The following MSH3 variants were observed in gnomAD, a reference collection of about 807,000 sequenced individuals.
MSH3 encodes the protein mutS homolog 3.
In MSH3, 106 loss-of-function variants were observed where a neutral mutation model predicts 123.3. The observed-to-expected ratio is 0.86, with a 90% CI of 0.73 to 1.01. The LOEUF (loss-of-function observed/expected upper bound fraction) is 1.01. Ranked by LOEUF, MSH3 falls within the 50% of genes least tolerant of loss-of-function variation. The probability of loss-of-function intolerance (pLI) is 0.00; values close to 1 mark genes in which losing one functional copy is unlikely to be tolerated. For missense variants in MSH3, 1,459 were observed against 1,347.6 expected (o/e 1.08, Z -1.29); for synonymous variants, 515 against 481.4 (o/e 1.07, Z -0.91).
At chr5:80,760,538 C>G (rs1744014188) in intron 12 of MSH3, among the ~76,000 whole-genome samples, 2 of 152,184 alleles carry the variant, frequency 1.3e-5, no homozygotes, top group South Asian at 4.1e-4. Flanking sequence ...TAATTTAATT[C>G]ATTCAAACAG....
chr5:80,835,980 A>G (rs1486336599), intron 20 of MSH3, among the ~76,000 whole-genome samples: 1 of 152,164 alleles, frequency 6.6e-6, no homozygotes, highest in African/African-American at 2.4e-5. Flanking sequence ...ACAACCAGTT[A>G]TATTACTATA....
In MSH3 at chr5:80,825,370, C is replaced by T. The variant is rs569057945; in HGVS notation, c.2813+11629C>T. On this transcript the variant is annotated intron_variant, in intron 20 of 23. Coordinates refer to ENST00000265081, the MANE Select transcript of MSH3 (RefSeq NM_002439.5). ...ACACAGTGTATCACACTATATTCTT[C>T]TGTAAGTGGCTTTTTCCCCCCTCAG... Among the ~76,000 whole-genome samples, 8 of 152,276 alleles carry T rather than the reference C, an allele frequency of 5.3e-5. No homozygotes were observed. In the East Asian group the frequency reaches 1.5e-3, roughly 29 times the overall value.
At chr5:80,780,912 T>G (rs1448284427) in intron 17 of MSH3, among the ~76,000 whole-genome samples, 1 of 152,086 alleles carries the variant, frequency 6.6e-6, no homozygotes, top group African/African-American at 2.4e-5. Context: ...GTGACGTCCT[T>G]CAGGGAGCTT....
intron 2 of MSH3, among the ~76,000 whole-genome samples, chr5:80,664,129 C>T (rs988300984): frequency 1.3e-5 from 2 of 152,024 alleles, no homozygotes; most frequent in African/African-American, 4.8e-5. Context: ...GTGATGAGTG[C>T]CACAGGGAGA....
At position 80,815,754 on chromosome 5, in the gene MSH3, CTG is replaced by C. The variant is rs546429870; in HGVS notation, c.2813+2017_2813+2018del. ...AAAACTTACCTTTCACTGACCAGAA[CTG>C]TGTCTCATGGCCATAGTTGCAAGGA... On this transcript the variant is annotated intron_variant, in intron 20 of 23. Coordinates refer to ENST00000265081, the MANE Select transcript of MSH3 (RefSeq NM_002439.5). Among the ~76,000 whole-genome samples the C allele has an allele frequency of 6.6e-5, 10 of 152,282 alleles. No individual in the cohort carries two copies. The East Asian group carries it at 1.9e-3, about 29-fold the overall frequency.
At chr5:80,857,735 T>C (rs957852572) in intron 21 of MSH3, among the ~76,000 whole-genome samples, 7 of 152,222 alleles carry the variant, frequency 4.6e-5, no homozygotes, top group African/African-American at 1.7e-4. Flanking sequence ...ATCCGTAGTG[T>C]TGTCCTTTTC....
intron 8 of MSH3, among the ~76,000 whole-genome samples, chr5:80,721,155 AT>A (rs1396424688): frequency 3.3e-5 from 5 of 152,204 alleles, no homozygotes; most frequent in African/African-American, 1.2e-4. Context: ...TTCACAAAAT[AT>A]GATTTTTTGA....
intron 12 of MSH3, among the ~76,000 whole-genome samples, chr5:80,753,623 A>G (rs925397695): frequency 6.6e-6 from 1 of 152,228 alleles, no homozygotes; most frequent in African/African-American, 2.4e-5. Flanking sequence ...TAGGGAAGCT[A>G]GCTGTTAACA....
At chr5:80,831,107 C>T (rs894407307) in intron 20 of MSH3, among the ~76,000 whole-genome samples, 6 of 151,966 alleles carry the variant, frequency 3.9e-5, no homozygotes, top group South Asian at 4.1e-4. Flanking sequence ...CCAGTAAGCT[C>T]GTTATAAAAT....
At chr5:80,813,888 C>A (rs547723039) in intron 20 of MSH3, 147 bp downstream of exon 20, 2 of 884,364 alleles carry the variant, frequency 2.3e-6, no homozygotes, top group East Asian at 5.2e-5. Context: ...AGGCCGGGCA[C>A]GGTGGCTCAC....
Position 80,654,977 on chromosome 5 carries a change from T to A in MSH3, c.237+13T>A. 1 of 1,430,290 alleles carries A rather than the reference T, an allele frequency of 7.0e-7. No individual in the cohort carries two copies. Among genetic ancestry groups the A allele is most frequent in the Non-Finnish European group, 9.2e-7 (1 of 1,086,660 alleles). 88.6% of individuals were successfully genotyped at this position (1,430,290 alleles called of 1,614,324 possible). On this transcript the variant is annotated intron_variant, in intron 1 of 23. Coordinates refer to ENST00000265081, the MANE Select transcript of MSH3 (RefSeq NM_002439.5). ...GCCGCCGCACATAGTAGGTTCTGTC[T>A]GGGACTGGGCAGGGCCATCGGGGCT...
At position 80,672,363 on chromosome 5, in the gene MSH3, C is replaced by A. The variant is rs763390172; in HGVS notation, c.909+3C>A. ...GCCTGGTGGCAAAAGGATATAAGGT[C>A]AGCTTTGGCTTTAACTTGTGGGGAA... is the stretch of plus-strand genomic sequence containing the variant. On this transcript the variant is annotated splice_donor_region_variant and intron_variant, in intron 5 of 23. Transcript: ENST00000265081. The A allele has an allele frequency of 6.2e-7, 1 of 1,601,714 alleles. No homozygotes were observed. Among genetic ancestry groups the A allele is most frequent in the East Asian group, 2.2e-5 (1 of 44,804 alleles).
intron 8 of MSH3, among the ~76,000 whole-genome samples, chr5:80,706,804 A>C (rs1750733897): frequency 6.6e-6 from 1 of 152,210 alleles, no homozygotes; most frequent in Non-Finnish European, 1.5e-5. Flanking sequence ...CAGACTTTTT[A>C]ATAGAAAATC....
rs781450054 is a variant in MSH3, at chr5:80,679,090, T to C, written c.1337T>C (p.Val446Ala). 6.2e-7 allele frequency: 1 copy of C among 1,613,918 alleles called. No individual in the cohort carries two copies. Among genetic ancestry groups the C allele is most frequent in the Admixed American group, 1.7e-5 (1 of 60,008 alleles). Residue 446 changes from valine (V) to alanine (A), a missense_variant, in exon 8 of 24, where the codon GTT becomes GCT. Physicochemically the swap from Val to Ala is moderately conservative, Grantham distance 64. Transcript: ENST00000265081. ...GCGCTCATCCACAGAGCCACATCTG[T>C]TAGGTAAGTTGGCACATCACTGGAA... ...TEALIHRATS[V>A]SVQDDRIRVE...
At chr5:80,684,635 G>A (rs919130252) in intron 8 of MSH3, among the ~76,000 whole-genome samples, 1 of 152,108 alleles carries the variant, frequency 6.6e-6, no homozygotes, top group African/African-American at 2.4e-5. Context: ...ATAATTAGAC[G>A]TCCTCCTTTC....
At chr5:80,814,320 A>G (rs1230623217) in intron 20 of MSH3, among the ~76,000 whole-genome samples, 2 of 152,104 alleles carry the variant, frequency 1.3e-5, no homozygotes, top group Non-Finnish European at 2.9e-5. Context: ...TTCCTAGGCC[A>G]GAGTGCAATG....
intron 10 of MSH3, among the ~76,000 whole-genome samples, chr5:80,730,318 G>A (rs571364333): frequency 4.6e-5 from 7 of 152,092 alleles, no homozygotes; most frequent in South Asian, 2.1e-4. Context: ...ATGTGAAATC[G>A]TACTCTGTAC....
intron 8 of MSH3, among the ~76,000 whole-genome samples, chr5:80,692,515 T>G (rs537471737): frequency 6.0e-5 from 7 of 116,716 alleles, no homozygotes; most frequent in Admixed American, 1.8e-4. Context: ...TAAACATGTA[T>G]ATGTTTAGAT....
rs960622792 is a variant in MSH3 at position 80,773,139 on chromosome 5, A to G, written c.2254-2555A>G. On this transcript the variant is annotated intron_variant, in intron 15 of 23. Coordinates refer to ENST00000265081, the MANE Select transcript of MSH3 (RefSeq NM_002439.5). ...ACTCCTGTGGAGCTCTGTGTTAGTC[A>G]TTATGCATCTGGATGTGTCCTTCCC... is the stretch of plus-strand genomic sequence containing the variant. Among the ~76,000 whole-genome samples, 12 of 152,300 alleles carry G rather than the reference A, an allele frequency of 7.9e-5. No individual in the cohort carries two copies. In the East Asian group the frequency reaches 1.2e-3, roughly 15 times the overall value.
Sources: gnomAD v4.1 joint callset for allele counts (sites outside exome capture counted in the v4.1 genomes callset) on GRCh38, gnomAD v4.1.1 for gene constraint, MANE v1.5 for transcripts, NCBI Gene and HGNC (gene_info 2026-07-23, HGNC 2026-07-21) for gene names.